Variants in SMARCC1 observed in about 807,000 individuals in gnomAD.
The protein encoded by SMARCC1 is SWI/SNF complex subunit SMARCC1.
SMARCC1 carries 43 observed loss-of-function variants against 147.4 expected under a neutral mutation model. That is an observed-to-expected ratio of 0.29 (90% CI 0.23 to 0.38). The LOEUF (loss-of-function observed/expected upper bound fraction) is 0.38, where lower values mean the gene tolerates loss of function less well. Among genes scored for constraint, SMARCC1 ranks in the 10% least tolerant of loss-of-function variants. The pLI is 1.00. For missense variants in SMARCC1, 1,119 were observed against 1,381.1 expected (o/e 0.81, Z 3.01); for synonymous variants, 495 against 484.4 (o/e 1.02, Z -0.29).
intron 16 of SMARCC1, 75 bp from the exon 17 acceptor site, chr3:47,676,857 T>G: frequency 7.7e-7 from 1 of 1,296,090 alleles, no homozygotes; most frequent in South Asian, 1.3e-5. Context: ...ATCATGCCAT[T>G]AAAAAACAGA....
chr3:47,693,750 C>A (rs1051003914), intron 11 of SMARCC1, among the ~76,000 whole-genome samples: 1 of 152,152 alleles, frequency 6.6e-6, no homozygotes, highest in Non-Finnish European at 1.5e-5. Context: ...GCAGCCTTGA[C>A]CTCCCAGGCT....
At chr3:47,638,671 C>T in intron 22 of SMARCC1, 54 bp downstream of exon 22, 2 of 1,344,768 alleles carry the variant, frequency 1.5e-6, no homozygotes, top group Non-Finnish European at 2.1e-6. Flanking sequence ...AAAAAACAAA[C>T]CATTATGGTC....
In SMARCC1 at chr3:47,640,713, C is replaced by T. The variant is rs138887570; in HGVS notation, c.2321-1933G>A. Among the ~76,000 whole-genome samples the T allele has an allele frequency of 2.0e-5, 3 of 152,172 alleles. No individual in the cohort carries two copies. The East Asian group carries it at 5.8e-4, about 29-fold the overall frequency. ...CTAGAGAATAGAAAAAGAGGGAATT[C>T]CCCTACCTCAGTCTATGATACCAGT... On this transcript the variant is annotated intron_variant, in intron 21 of 27. Transcript: ENST00000254480.
At chr3:47,763,025 C>T (rs1211774943) in intron 2 of SMARCC1, among the ~76,000 whole-genome samples, 2 of 151,150 alleles carry the variant, frequency 1.3e-5, no homozygotes, top group Non-Finnish European at 2.9e-5. Flanking sequence ...GAGATCACGC[C>T]ACTACACTCT....
In SMARCC1 at chr3:47,661,354, T is replaced by G. The variant is rs982767452; in HGVS notation, c.2260A>C (p.Thr754Pro). 6.2e-7 allele frequency: 1 copy of G among 1,613,926 alleles called. No individual in the cohort carries two copies. The highest frequency in any genetic ancestry group is 8.5e-7 in the Non-Finnish European group (1 of 1,179,938). The change falls in exon 21 of 28, where the codon ACC becomes CCC. Residue 754 changes from threonine to proline, a missense_variant. Thr to Pro is a conservative substitution (Grantham distance 38). This residue lies in a region of SMARCC1 where 157 missense variants were observed against 158.6 expected (regional missense o/e 0.99). Transcript: ENST00000254480. ...AARASGKVDPTYGLESSCIAG... is the reference protein window; with the variant it reads ...AARASGKVDPPYGLESSCIAG... ...ATGCAGCTGCTCTCCAGACCGTAGG[T>G]GGGATCCACTTTCCCAGAGGCTCGT... is the stretch of plus-strand genomic sequence containing the variant.
intron 1 of SMARCC1, among the ~76,000 whole-genome samples, chr3:47,778,206 AAAACAAAAAAC>A: frequency 6.8e-6 from 1 of 147,086 alleles, no homozygotes; most frequent in African/African-American, 2.6e-5. Context: ...AAAAAAACAA[AAAACAAAAAAC>A]AAAAAAAACA....
At chr3:47,718,131 C>A (rs536289453) in intron 7 of SMARCC1, among the ~76,000 whole-genome samples, 78 of 123,452 alleles carry the variant, frequency 6.3e-4, no homozygotes, top group Non-Finnish European at 7.3e-4. Context: ...AGAGCAAGAC[C>A]TTGTCTCAAA....
Position 47,755,186 on chromosome 3 carries a change from G to C in SMARCC1, c.316-9193C>G, listed in dbSNP as rs1253756758. Among the ~76,000 whole-genome samples, 35 of 152,104 alleles carry C rather than the reference G, an allele frequency of 2.3e-4. 1 individual carries two copies. The highest frequency in any genetic ancestry group is 2.3e-3 in the Admixed American group (35 of 15,230). On this transcript the variant is annotated intron_variant, in intron 2 of 27. Coordinates refer to ENST00000254480, the MANE Select transcript of SMARCC1 (RefSeq NM_003074.4). Reference sequence around the variant, plus strand: ...AGATCGCACCACTGCACTTCAGTCTGAGTGAGAGTCTGTCTCAAAAACTAA... The same window carrying C: ...AGATCGCACCACTGCACTTCAGTCTCAGTGAGAGTCTGTCTCAAAAACTAA...
At chr3:47,730,036 G>C (rs373375642) in intron 5 of SMARCC1, among the ~76,000 whole-genome samples, 1 of 152,086 alleles carries the variant, frequency 6.6e-6, no homozygotes, top group African/African-American at 2.4e-5. Context: ...AAAATTAGCT[G>C]GGCGTGGTGG....
intron 22 of SMARCC1, among the ~76,000 whole-genome samples, chr3:47,637,043 A>G (rs1576395022): frequency 2.0e-5 from 3 of 152,228 alleles, no homozygotes; most frequent in Admixed American, 2.0e-4. Context: ...CACTGACTTC[A>G]TGAGGCTATA....
intron 2 of SMARCC1, 36 bp from the exon 3 acceptor site, chr3:47,746,029 A>C (rs2034560719): frequency 1.5e-6 from 2 of 1,354,960 alleles, no homozygotes; most frequent in Admixed American, 2.4e-5. Flanking sequence ...AGAAAAATAA[A>C]GCTTCTGACA....
At chr3:47,639,238 G>A (rs2033014808) in intron 21 of SMARCC1, among the ~76,000 whole-genome samples, 1 of 152,084 alleles carries the variant, frequency 6.6e-6, no homozygotes, top group African/African-American at 2.4e-5. Flanking sequence ...AGGTACTGGG[G>A]AAACACTATG....
In SMARCC1 at chr3:47,598,888, C is replaced by CAG. The variant is rs1553672029; in HGVS notation, c.3044-8053_3044-8052dup. ...ACACACACACACACACACACACACA[C>CAG]AGAGACAAAGACAGAGAGAGAAGAA... On this transcript the variant is annotated intron_variant, in intron 26 of 27. Coordinates refer to ENST00000254480, the MANE Select transcript of SMARCC1 (RefSeq NM_003074.4). 1.7e-3 allele frequency among the ~76,000 whole-genome samples: 253 copies of CAG among 144,916 alleles called. 2 individuals are homozygous for CAG. The highest frequency in any genetic ancestry group is 0.011 in the Admixed American group (151 of 14,352).
chr3:47,714,066 T>C (rs1463376160), intron 8 of SMARCC1, among the ~76,000 whole-genome samples: 2 of 152,202 alleles, frequency 1.3e-5, no homozygotes, highest in African/African-American at 2.4e-5. Flanking sequence ...TATTAGATTA[T>C]TGTAAGAATT....
chr3:47,622,228 G>T lies in SMARCC1; in HGVS notation c.2760C>A (p.Ile920=), dbSNP rs1021441668. The change falls in exon 25 of 28, where the codon ATC becomes ATA. Residue 920 remains isoleucine, a synonymous_variant. Coordinates refer to ENST00000254480, the MANE Select transcript of SMARCC1 (RefSeq NM_003074.4). ...KLRHFEELET[I]MDREKEALEQ... ...TTACAGCTTCTTTCTCTCTGTCCATGATAGTTTCCAGCTCTTCAAAATGTC... is the reference window on the plus strand; with the variant it reads ...TTACAGCTTCTTTCTCTCTGTCCATTATAGTTTCCAGCTCTTCAAAATGTC... 6.2e-7 allele frequency: 1 copy of T among 1,605,826 alleles called. No individual in the cohort carries two copies. The highest frequency in any genetic ancestry group is 1.3e-5 in the African/African-American group (1 of 74,386).
intron 21 of SMARCC1, among the ~76,000 whole-genome samples, chr3:47,656,835 G>GCC (rs988083811): frequency 2.0e-5 from 3 of 152,174 alleles, no homozygotes; most frequent in Admixed American, 2.0e-4. Context: ...GATCACTTGA[G>GCC]CCCAGGAGGT....
intron 26 of SMARCC1, among the ~76,000 whole-genome samples, chr3:47,598,161 C>T (rs1362593398): frequency 6.6e-6 from 1 of 152,086 alleles, no homozygotes; most frequent in Non-Finnish European, 1.5e-5. Context: ...TTAATAAAAG[C>T]AATGCTTTGT....
At chr3:47,766,364 G>A (rs1470484201) in intron 2 of SMARCC1, among the ~76,000 whole-genome samples, 5 of 150,724 alleles carry the variant, frequency 3.3e-5, no homozygotes, top group South Asian at 2.1e-4. Context: ...CCAGGAGTTC[G>A]AGAACAGTCT....
At chr3:47,741,905 T>C (rs1216737031) in intron 3 of SMARCC1, among the ~76,000 whole-genome samples, 2 of 151,622 alleles carry the variant, frequency 1.3e-5, no homozygotes, top group Admixed American at 6.6e-5. Flanking sequence ...TGCCACCCTT[T>C]TGGGGTATGG....
Sources: gnomAD v4.1 joint callset for allele counts (sites outside exome capture counted in the v4.1 genomes callset) on GRCh38, gnomAD v4.1.1 for gene constraint, gnomAD v4.1.1 regional missense constraint, MANE v1.5 for transcripts, NCBI Gene and HGNC (gene_info 2026-07-23, HGNC 2026-07-21) for gene names.